The following FMN1 variants were observed in gnomAD, a reference collection of about 807,000 sequenced individuals.
FMN1 encodes formin 1, also known as formin-1.
A neutral mutation model predicts 132.4 loss-of-function variants in FMN1; 110 were observed. The ratio of observed to expected loss-of-function variants is 0.83; its 90% CI spans 0.71 to 0.97. FMN1 has a LOEUF of 0.97. FMN1 is among the 50% of genes least tolerant of loss of function. The pLI is 0.00. For missense variants in FMN1, 1,792 were observed against 1,705.3 expected (o/e 1.05, Z -0.90); for synonymous variants, 722 against 651.7 (o/e 1.11, Z -1.64).
At chr15:33,182,443 C>T (rs924740388) in intron 2 of FMN1, among the ~76,000 whole-genome samples, 9 of 152,196 alleles carry the variant, frequency 5.9e-5, no homozygotes, top group African/African-American at 2.2e-4. Context: ...TGACTAATCG[C>T]CCTCAACCTG....
intron 4 of FMN1, among the ~76,000 whole-genome samples, chr15:33,117,017 G>C (rs1165461087): frequency 6.6e-6 from 1 of 152,136 alleles, no homozygotes; most frequent in Non-Finnish European, 1.5e-5. Flanking sequence ...GTGTGGCACT[G>C]ACCCAAATTT....
rs535867063 is a variant in FMN1, at chr15:32,960,761, T to G, written c.3138+3346A>C. 6.6e-5 allele frequency among the ~76,000 whole-genome samples: 10 copies of G among 151,684 alleles called. No homozygotes were observed. The East Asian group carries it at 1.4e-3, about 21-fold the overall frequency. On this transcript the variant is annotated intron_variant, in intron 9 of 20. Transcript: ENST00000616417. The stretch of plus-strand genomic sequence containing the variant: ...CTGTAATCCCAGCATTTTGGGAGGG[T>G]GAGGTGGGCAGATCACCTGAGGTCA...
intron 4 of FMN1, among the ~76,000 whole-genome samples, chr15:33,095,568 A>G (rs969725729): frequency 4.6e-5 from 7 of 150,976 alleles, no homozygotes; most frequent in African/African-American, 1.7e-4. Flanking sequence ...CTAGTTTTTA[A>G]TTTTTTTTTG....
chr15:32,794,655 T>C (rs909163041), intron 19 of FMN1, among the ~76,000 whole-genome samples: 2 of 152,238 alleles, frequency 1.3e-5, no homozygotes, highest in South Asian at 2.1e-4. Flanking sequence ...CTTGCAGTTA[T>C]GCATATACTT....
At chr15:32,888,608 G>A (rs1406501754) in intron 15 of FMN1, among the ~76,000 whole-genome samples, 1 of 152,244 alleles carries the variant, frequency 6.6e-6, no homozygotes, top group East Asian at 1.9e-4. Context: ...AAAAATGGAA[G>A]AGGGGAACAC....
intron 9 of FMN1, among the ~76,000 whole-genome samples, chr15:32,943,939 T>C (rs991876802): frequency 2.0e-5 from 3 of 152,200 alleles, no homozygotes; most frequent in African/African-American, 4.8e-5. Context: ...TGGTAGCCTA[T>C]GGATACAGGC....
chr15:32,937,905 A>G (rs1223080638), intron 9 of FMN1, among the ~76,000 whole-genome samples: 1 of 152,250 alleles, frequency 6.6e-6, no homozygotes, highest in Non-Finnish European at 1.5e-5. Flanking sequence ...ATGGAGGACA[A>G]TAACACATTA....
At chr15:32,872,935 A>G (rs2059550204) in intron 16 of FMN1, among the ~76,000 whole-genome samples, 3 of 139,964 alleles carry the variant, frequency 2.1e-5, no homozygotes, top group African/African-American at 2.7e-5. Flanking sequence ...AAGAGAAGAG[A>G]GGGAAAAAAA....
intron 6 of FMN1, among the ~76,000 whole-genome samples, chr15:33,061,920 CTTT>C (rs1366202403): frequency 1.3e-5 from 2 of 151,980 alleles, no homozygotes; most frequent in Non-Finnish European, 2.9e-5. Flanking sequence ...GAAAGAAACC[CTTT>C]AAGAAACGTG....
rs2056339207 is a variant in FMN1, at chr15:32,774,192, A to G, written c.*118T>C. 5.0e-6 allele frequency: 4 copies of G among 802,858 alleles called. No homozygotes were observed. Among genetic ancestry groups the G allele is most frequent in the Non-Finnish European group, 8.3e-6 (4 of 483,214 alleles). 49.7% of individuals were successfully genotyped at this position (802,858 alleles called of 1,614,324 possible). A position where few individuals can be genotyped will look rare whatever the true frequency, so the allele number is the denominator to read the frequency against. On this transcript the variant is annotated 3_prime_UTR_variant, in exon 21 of 21. Coordinates refer to ENST00000616417, the MANE Select transcript of FMN1 (RefSeq NM_001277313.2). ...CTGCAGATGACCTCAGAAAGAGATG[A>G]GCAAAAACAAACATTTAGTGACACA...
intron 5 of FMN1, among the ~76,000 whole-genome samples, chr15:33,068,342 T>C (rs991103694): frequency 3.9e-5 from 6 of 152,160 alleles, no homozygotes; most frequent in African/African-American, 1.4e-4. Context: ...CTTCTGAAAG[T>C]GCTGAGCCGG....
At chr15:33,055,720 G>A (rs764317253) in intron 6 of FMN1, among the ~76,000 whole-genome samples, 3 of 151,946 alleles carry the variant, frequency 2.0e-5, no homozygotes, top group Admixed American at 6.6e-5. Context: ...TTTCATGATT[G>A]GCTTAGAAAA....
chr15:32,769,594 TTCTATACTAA>T lies in FMN1; in HGVS notation c.*4706_*4715del, dbSNP rs2056158863. On this transcript the variant is annotated 3_prime_UTR_variant, in exon 21 of 21. Transcript: ENST00000616417. Reference sequence around the variant, plus strand: ...TTGAAGATGCTTTTCTTTAAGCCACTTCTATACTAATAACAGTTTCCAGGCAGCTGGATTG... The same window carrying T: ...TTGAAGATGCTTTTCTTTAAGCCACTTAACAGTTTCCAGGCAGCTGGATTG... 1 of 152,246 alleles carries T rather than the reference TTCTATACTAA, an allele frequency of 6.6e-6. No individual in the cohort carries two copies. Among genetic ancestry groups the T allele is most frequent in the Non-Finnish European group, 1.5e-5 (1 of 68,050 alleles). 9.4% of individuals were successfully genotyped at this position (152,246 alleles called of 1,614,324 possible). A position where few individuals can be genotyped will look rare whatever the true frequency, so the allele number is the denominator to read the frequency against.
At chr15:32,795,701 G>A (rs1263817627) in intron 19 of FMN1, among the ~76,000 whole-genome samples, 1 of 152,062 alleles carries the variant, frequency 6.6e-6, no homozygotes, top group Non-Finnish European at 1.5e-5. Context: ...TAAGAGAAGG[G>A]ACTGGGATGC....
At chr15:32,973,569 G>C (rs2031960113) in intron 7 of FMN1, among the ~76,000 whole-genome samples, 1 of 147,942 alleles carries the variant, frequency 6.8e-6, no homozygotes, top group African/African-American at 2.6e-5. Flanking sequence ...GCCTCTCTCT[G>C]CCCCTCACCC....
At position 32,823,152 on chromosome 15, in the gene FMN1, G is replaced by GTTTT. The variant is rs373185751; in HGVS notation, c.3929-18824_3929-18821dup. ...GTCTCAAAGACAGAGAGTTTCTACT[G>GTTTT]TTTTTTTTTTTTTTTTTTTTTTTTT... On this transcript the variant is annotated intron_variant, in intron 17 of 20. Coordinates refer to ENST00000616417, the MANE Select transcript of FMN1 (RefSeq NM_001277313.2). Among the ~76,000 whole-genome samples, 620 of 86,152 alleles carry GTTTT rather than the reference G, an allele frequency of 7.2e-3. 103 individuals are homozygous for GTTTT. Among genetic ancestry groups the GTTTT allele is most frequent in the African/African-American group, 0.011 (202 of 18,732 alleles). 56.5% of individuals were successfully genotyped at this position (86,152 alleles called of 152,430 possible).
At chr15:33,169,753 T>G (rs184064528) in intron 3 of FMN1, among the ~76,000 whole-genome samples, 180 of 149,466 alleles carry the variant, frequency 1.2e-3, no homozygotes, top group African/African-American at 4.1e-3. Flanking sequence ...TTTTTTTTTT[T>G]TTTTTTTGGT....
At chr15:32,787,654 C>T (rs2056925219) in intron 19 of FMN1, among the ~76,000 whole-genome samples, 1 of 152,086 alleles carries the variant, frequency 6.6e-6, no homozygotes, top group African/African-American at 2.4e-5. Context: ...TCAAGGCCAG[C>T]CTGGGCAACA....
intron 3 of FMN1, among the ~76,000 whole-genome samples, chr15:33,157,165 C>T (rs111790551): frequency 0.045 from 6,736 of 151,068 alleles, 178 homozygotes; most frequent in Non-Finnish European, 0.06. Flanking sequence ...CTCAGGAGGC[C>T]GAGGCACGAG....
Sources: gnomAD v4.1 joint callset for allele counts (sites outside exome capture counted in the v4.1 genomes callset) on GRCh38, gnomAD v4.1.1 for gene constraint, MANE v1.5 for transcripts, NCBI Gene and HGNC (gene_info 2026-07-23, HGNC 2026-07-21) for gene names.